ITGAD: variants seen among roughly 807,000 people sequenced by gnomAD.
The protein encoded by ITGAD is integrin subunit alpha D, also known as integrin alpha-D.
Under a neutral mutation model 139.0 loss-of-function variants are expected in ITGAD, and 105 were observed. The ratio of observed to expected loss-of-function variants is 0.76; its 90% CI spans 0.65 to 0.89. The LOEUF (loss-of-function observed/expected upper bound fraction) is 0.89. Among genes scored for constraint, ITGAD ranks in the 40% least tolerant of loss-of-function variants. ITGAD has a pLI of 0.00. For synonymous variants in ITGAD, 569 were observed against 598.3 expected (o/e 0.95, Z 0.71); for missense variants, 1,384 against 1,487.3 (o/e 0.93, Z 1.14).
intron 9 of ITGAD, 70 bp from the exon 10 acceptor site, chr16:31,408,355 T>C: frequency 7.6e-7 from 1 of 1,313,042 alleles, no homozygotes; most frequent in Middle Eastern, 1.8e-4. Context: ...GATCATGTTC[T>C]CCTCCCTGTG....
Position 31,416,653 on chromosome 16 carries a change from A to G in ITGAD, c.2499+7A>G. ...ACGGGTGTCAGGAGCCCAGGTAACA[A>G]CTGCTGTAGGCTCTAGTGGGAGGGG... On this transcript the variant is annotated splice_region_variant and intron_variant, in intron 20 of 29. Transcript: ENST00000389202. The G allele has an allele frequency of 1.2e-6, 2 of 1,603,032 alleles. No homozygotes were observed. Among genetic ancestry groups the G allele is most frequent in the East Asian group, 4.5e-5 (2 of 44,540 alleles).
chr16:31,410,260 G>T, intron 10 of ITGAD, 135 bp from the exon 11 acceptor site: 2 of 1,199,104 alleles, frequency 1.7e-6, no homozygotes, highest in Non-Finnish European at 2.4e-6. Flanking sequence ...CAGAGGCACA[G>T]AGGCTGCTGG....
At chr16:31,399,513 A>C (rs2142618549) in intron 5 of ITGAD, among the ~76,000 whole-genome samples, 1 of 152,280 alleles carries the variant, frequency 6.6e-6, no homozygotes, top group South Asian at 2.1e-4. Context: ...CAGCAGCAGA[A>C]ACATTACCAG....
rs537397657 is a variant in ITGAD, at chr16:31,397,679, C to A, written c.312+13C>A. ...CTCCCGGCTCCTGGTGAGTGAGTGT[C>A]TTGGGCCACGGGGGGGTGGGGTGGG... On this transcript the variant is annotated intron_variant, in intron 4 of 29. Transcript: ENST00000389202. The A allele has an allele frequency of 8.9e-6, 5 of 563,352 alleles. No homozygotes were observed. The highest frequency in any genetic ancestry group is 5.8e-5 in the South Asian group (4 of 68,666). 34.9% of individuals were successfully genotyped at this position (563,352 alleles called of 1,614,324 possible).
chr16:31,397,757 C>T, intron 4 of ITGAD, 38 bp from the exon 5 acceptor site: 1 of 1,597,984 alleles, frequency 6.3e-7, no homozygotes, highest in Non-Finnish European at 8.6e-7. Flanking sequence ...GGAGGAGGGG[C>T]TGCTAGGGAC....
rs778869388 is a variant in ITGAD, at chr16:31,414,653, C to A, written c.2151+48C>A. ...AGGGGGAGAGAGGAGGAGCCCAAGGCTGGCCTGGAGCACCCCCGTTCTCTG... is the reference window on the plus strand; with the variant it reads ...AGGGGGAGAGAGGAGGAGCCCAAGGATGGCCTGGAGCACCCCCGTTCTCTG... On this transcript the variant is annotated intron_variant, in intron 17 of 29. Transcript: ENST00000389202. 5.0e-6 allele frequency: 8 copies of A among 1,609,754 alleles called. No homozygotes were observed. The South Asian group carries it at 7.7e-5, about 15-fold the overall frequency.
rs2081832750 is a variant in ITGAD at position 31,414,552 on chromosome 16, A to G, written c.2098A>G (p.Arg700Gly). Reference protein sequence around the residue: ...NETKNPTLTRRKTLGLGIHCE... With the variant: ...NETKNPTLTRGKTLGLGIHCE... ...AACCAAGAACCCCACTTTGACTCGAAGAAAAACCCTGGGACTGGGGATTCA... is the reference window on the plus strand; with the variant it reads ...AACCAAGAACCCCACTTTGACTCGAGGAAAAACCCTGGGACTGGGGATTCA... The change falls in exon 17 of 30, where the codon AGA (arginine) becomes GGA (glycine). Residue 700 changes from arginine (R) to glycine (G), a missense_variant. Transcript: ENST00000389202. 6.2e-7 allele frequency: 1 copy of G among 1,614,092 alleles called. No individual in the cohort carries two copies. The highest frequency in any genetic ancestry group is 8.5e-7 in the Non-Finnish European group (1 of 1,180,056).
intron 3 of ITGAD, 57 bp downstream of exon 3, chr16:31,397,519 C>G: frequency 1.9e-6 from 3 of 1,582,872 alleles, no homozygotes; most frequent in Non-Finnish European, 2.6e-6. Context: ...ACTGTGCCCC[C>G]GCTTAGCTTC....
At chr16:31,410,286 CAG>C in intron 10 of ITGAD, 107 bp from the exon 11 acceptor site, 2 of 1,493,546 alleles carry the variant, frequency 1.3e-6, no homozygotes, top group Non-Finnish European at 1.8e-6. Flanking sequence ...GCCGGGAAGA[CAG>C]AGAAGAAAAG....
At chr16:31,408,294 C>T (rs2081591170) in intron 9 of ITGAD, 131 bp from the exon 10 acceptor site, 1 of 743,464 alleles carries the variant, frequency 1.3e-6, no homozygotes, top group Non-Finnish European at 2.3e-6. Context: ...TCTTGATGGG[C>T]CATTCCTGTT....
At position 31,413,128 on chromosome 16, in the gene ITGAD, C is replaced by A. The variant is rs1201248316; in HGVS notation, c.1878C>A (p.Phe626Leu). 6.2e-7 allele frequency: 1 copy of A among 1,614,184 alleles called. No homozygotes were observed. Among genetic ancestry groups the A allele is most frequent in the Admixed American group, 1.7e-5 (1 of 60,018 alleles). Residue 626 changes from phenylalanine to leucine, a missense_variant, in exon 16 of 30, where the codon TTC becomes TTA. Phe to Leu is a conservative substitution (Grantham distance 22). Coordinates refer to ENST00000389202, the MANE Select transcript of ITGAD (RefSeq NM_005353.3). ...TGAAAGTGGGGGTGGCCATGAGATT[C>A]AGCCCTGTGGAGGTGGCCAAGGCTG... Reference protein sequence around the residue: ...PVLKVGVAMRFSPVEVAKAVY... With the variant: ...PVLKVGVAMRLSPVEVAKAVY...
intron 7 of ITGAD, among the ~76,000 whole-genome samples, chr16:31,404,873 C>G (rs1206353761): frequency 6.6e-6 from 1 of 150,936 alleles, no homozygotes; most frequent in African/African-American, 2.4e-5. Context: ...TCCCTTCCCT[C>G]CCTTCCCTCC....
intron 16 of ITGAD, 112 bp downstream of exon 16, chr16:31,413,358 C>T: frequency 3.5e-6 from 4 of 1,143,384 alleles, no homozygotes; most frequent in South Asian, 3.0e-5. Context: ...CATTCACTCA[C>T]CACCTGTGCC....
At position 31,411,089 on chromosome 16, in the gene ITGAD, T is replaced by G; in HGVS notation, c.1370T>G (p.Phe457Cys). ...TCTGCCCTCCAGATCGGCTCCTACTTCGGGGCCTCCCTCTGCTCTGTGGAT... is the reference window on the plus strand; with the variant it reads ...TCTGCCCTCCAGATCGGCTCCTACTGCGGGGCCTCCCTCTGCTCTGTGGAT... The part of the protein sequence containing the change: ...EVTGTQIGSY[F>C]GASLCSVDVD... Residue 457 changes from phenylalanine to cysteine, a missense_variant, in exon 13 of 30, where the codon TTC becomes TGC. By Grantham distance (205) the Phe-to-Cys change is radical. Transcript: ENST00000389202. 1.9e-6 allele frequency: 3 copies of G among 1,612,392 alleles called. No homozygotes were observed. Among genetic ancestry groups the G allele is most frequent in the Non-Finnish European group, 2.5e-6 (3 of 1,179,864 alleles).
rs142324976 is a variant in ITGAD, at chr16:31,397,423, G to T, written c.202G>T (p.Ala68Ser). 32 of 1,602,824 alleles carry T rather than the reference G, an allele frequency of 2.0e-5. No homozygotes were observed. In the African/African-American group the frequency reaches 3.6e-4, roughly 18 times the overall value. ...CCAGACGGGACGGCTGTATGACTGC[G>T]CAGCTGCCACCGGCATGTGCCAGCC... Reference protein sequence around the residue: ...ANQTGRLYDCAAATGMCQPIP... With the variant: ...ANQTGRLYDCSAATGMCQPIP... The change falls in exon 3 of 30, where the codon GCA (alanine) becomes TCA (serine). Residue 68 changes from alanine to serine, a missense_variant. Transcript: ENST00000389202.
In ITGAD at chr16:31,407,593, G is replaced by A. The variant is rs2081571325; in HGVS notation, c.783G>A (p.Lys261=). 4 of 1,613,906 alleles carry A rather than the reference G, an allele frequency of 2.5e-6. No homozygotes were observed. The highest frequency in any genetic ancestry group is 3.4e-6 in the Non-Finnish European group (4 of 1,179,896). Residue 261 remains lysine, a synonymous_variant, in exon 8 of 30, where the codon AAG becomes AAA. Coordinates refer to ENST00000389202, the MANE Select transcript of ITGAD (RefSeq NM_005353.3). ...KILIVITDGQ[K]YKDPLEYSDV... is the part of the protein sequence containing the mutation. ...TCATTGTCATCACAGATGGGCAGAA[G>A]TACAAAGACCCCCTGGAATACAGTG...
intron 9 of ITGAD, 127 bp downstream of exon 9, chr16:31,408,043 C>A: frequency 2.0e-6 from 2 of 976,690 alleles, no homozygotes; most frequent in Non-Finnish European, 3.0e-6. Flanking sequence ...ACGATCTCGG[C>A]TCACTGCAAC....
chr16:31,423,399 G>T lies in ITGAD; in HGVS notation c.2907G>T (p.Trp969Cys), dbSNP rs1391624499. The change falls in exon 25 of 30, where the codon TGG becomes TGT. Residue 969 changes from tryptophan (W) to cysteine (C), a missense_variant. Coordinates refer to ENST00000389202, the MANE Select transcript of ITGAD (RefSeq NM_005353.3). ...QRDLAISINFWVPVLLNGVAV... is the reference protein window; with the variant it reads ...QRDLAISINFCVPVLLNGVAV... ...ATCTGGCCATCAGCATTAACTTCTG[G>T]GTTCCTGTCCTGCTGAACGGGGTGG... is the stretch of plus-strand genomic sequence containing the variant. 1.2e-6 allele frequency: 2 copies of T among 1,614,118 alleles called. No homozygotes were observed. The highest frequency in any genetic ancestry group is 1.7e-6 in the Non-Finnish European group (2 of 1,180,022).
At position 31,410,432 on chromosome 16, in the gene ITGAD, G is replaced by T; in HGVS notation, c.1121G>T (p.Trp374Leu). ...CTGGGGGCTGTGGGGAGCTTTAGCT[G>T]GTCTGGAGGTGCCTTCCTGTATCCC... ...LFLGAVGSFS[W>L]SGGAFLYPPN... Residue 374 changes from tryptophan to leucine, a missense_variant, in exon 11 of 30, where the codon TGG becomes TTG. Transcript: ENST00000389202. 3 of 1,614,028 alleles carry T rather than the reference G, an allele frequency of 1.9e-6. No homozygotes were observed. Among genetic ancestry groups the T allele is most frequent in the African/African-American group, 1.3e-5 (1 of 74,972 alleles).
Sources: allele counts gnomAD v4.1 joint callset (sites outside exome capture counted in the v4.1 genomes callset), GRCh38; gene constraint gnomAD v4.1.1; transcripts MANE v1.5; gene names NCBI Gene and HGNC (gene_info 2026-07-23, HGNC 2026-07-21).